TRPM8: variants seen among roughly 807,000 people sequenced by gnomAD.
TRPM8 encodes transient receptor potential cation channel subfamily M member 8.
TRPM8 carries 110 observed loss-of-function variants against 133.7 expected under a neutral mutation model. The ratio of observed to expected loss-of-function variants is 0.82; its 90% CI spans 0.70 to 0.96. The LOEUF is 0.96. Among genes scored for constraint, TRPM8 ranks in the 40% least tolerant of loss-of-function variants. TRPM8 has a pLI of 0.00. For synonymous variants in TRPM8, 535 were observed against 532.3 expected (o/e 1.01, Z -0.07); for missense variants, 1,291 against 1,379.5 (o/e 0.94, Z 1.02).
At chr2:233,985,341 G>A (rs774846390) in intron 20 of TRPM8, among the ~76,000 whole-genome samples, 7 of 152,176 alleles carry the variant, frequency 4.6e-5, no homozygotes, top group African/African-American at 7.2e-5. Flanking sequence ...AGCACTGTGC[G>A]TGTCCTTCTT....
At chr2:233,985,934 G>T in intron 21 of TRPM8, 69 bp downstream of exon 21, 2 of 1,464,210 alleles carry the variant, frequency 1.4e-6, no homozygotes, top group African/African-American at 2.8e-5. Flanking sequence ...TGGAGGTGCT[G>T]GGAGCATCGC....
rs1212578948 is a variant in TRPM8 at position 234,004,672 on chromosome 2, T to A, written c.3131-2181T>A. 5.3e-5 allele frequency among the ~76,000 whole-genome samples: 8 copies of A among 152,350 alleles called. No individual in the cohort carries two copies. The East Asian group carries it at 1.3e-3, about 26-fold the overall frequency. On this transcript the variant is annotated intron_variant, in intron 22 of 25. Coordinates refer to ENST00000324695, the MANE Select transcript of TRPM8 (RefSeq NM_024080.5). ...ATTGCTTTTTCATAAAATGTATTAT[T>A]TTGCATGATTCGGAAAGCAATCCAT...
chr2:234,012,687 A>C (rs1692872248), intron 24 of TRPM8, among the ~76,000 whole-genome samples: 1 of 151,850 alleles, frequency 6.6e-6, no homozygotes, highest in African/African-American at 2.4e-5. Flanking sequence ...CTTATTCTTG[A>C]TCTTAGAGAA....
In TRPM8 at chr2:233,961,783, C is replaced by A. The variant is rs111410813; in HGVS notation, c.1653+717C>A. Among the ~76,000 whole-genome samples, 372 of 151,830 alleles carry A rather than the reference C, an allele frequency of 2.5e-3. 3 individuals carry two copies. The highest frequency in any genetic ancestry group is 8.0e-3 in the African/African-American group (333 of 41,374). On this transcript the variant is annotated intron_variant, in intron 12 of 25. Transcript: ENST00000324695. ...TAGCTGGGATTACAGGCGTCAGCCA[C>A]CATACCTGGCTAATTTTTGTATTTT...
At position 233,970,232 on chromosome 2, in the gene TRPM8, A is replaced by G; in HGVS notation, c.2161A>G (p.Lys721Glu). Residue 721 changes from lysine (K) to glutamate (E), a missense_variant, in exon 17 of 26, where the codon AAG (lysine) becomes GAG (glutamate). Physicochemically the swap from Lys to Glu is moderately conservative, Grantham distance 56. This residue lies in a region of TRPM8 where 963 missense variants were observed against 968.9 expected (regional missense o/e 0.99). Transcript: ENST00000324695. ...CAGGAAGAAACCTGTCGACAAGCAC[A>G]AGAAGCTGCTTTGGTACTATGTGGC... is the stretch of plus-strand genomic sequence containing the variant. ...SFRKKPVDKH[K>E]KLLWYYVAFF... 1 of 1,614,028 alleles carries G rather than the reference A, an allele frequency of 6.2e-7. No homozygotes were observed. The highest frequency in any genetic ancestry group is 1.3e-5 in the African/African-American group (1 of 74,918).
chr2:233,960,697 T>C (rs1691410641), intron 11 of TRPM8, 79 bp from the exon 12 acceptor site: 1 of 1,145,134 alleles, frequency 8.7e-7, no homozygotes, highest in Non-Finnish European at 1.3e-6. Context: ...ACAGTGCTAC[T>C]GAGGAAGAAA....
chr2:233,958,474 C>T (rs1338567867), intron 11 of TRPM8, among the ~76,000 whole-genome samples: 1 of 152,134 alleles, frequency 6.6e-6, no homozygotes, highest in Non-Finnish European at 1.5e-5. Flanking sequence ...CAGGCTCCAC[C>T]TCAGATTTGC....
intron 23 of TRPM8, among the ~76,000 whole-genome samples, chr2:234,007,610 T>C (rs976748985): frequency 1.2e-4 from 18 of 152,242 alleles, no homozygotes; most frequent in African/African-American, 4.3e-4. Context: ...GCTGTCACTC[T>C]TCCTGAGGGT....
rs1311224325 is a variant in TRPM8, at chr2:233,942,595, A to G, written c.546A>G (p.Gly182=). The G allele has an allele frequency of 6.2e-7, 1 of 1,614,168 alleles. No homozygotes were observed. The highest frequency in any genetic ancestry group is 1.7e-5 in the Admixed American group (1 of 60,020). ...TGACAGGTGCTTGGATTCTCACGGGAGGCACCCATTATGGCCTGATGAAGT... is the reference window on the plus strand; with the variant it reads ...TGACAGGTGCTTGGATTCTCACGGGGGGCACCCATTATGGCCTGATGAAGT... ...AQSKGAWILT[G]GTHYGLMKYI... The change falls in exon 6 of 26, where the codon GGA becomes GGG. Residue 182 remains glycine, a synonymous_variant. Transcript: ENST00000324695.
intron 3 of TRPM8, among the ~76,000 whole-genome samples, chr2:233,931,612 C>T (rs1691680623): frequency 1.3e-5 from 2 of 152,156 alleles, no homozygotes; most frequent in African/African-American, 4.8e-5. Flanking sequence ...TTCTCTTATC[C>T]TAAAAATCTA....
chr2:233,955,924 C>A (rs557061822), intron 11 of TRPM8, among the ~76,000 whole-genome samples: 1 of 152,118 alleles, frequency 6.6e-6, no homozygotes, highest in African/African-American at 2.4e-5. Context: ...GAGCGTGAAC[C>A]CTGTTGTGGA....
In TRPM8 at chr2:233,937,465, G is replaced by C. The variant is rs200565245; in HGVS notation, c.304G>C (p.Ala102Pro). 1.2e-6 allele frequency: 2 copies of C among 1,613,988 alleles called. No homozygotes were observed. The highest frequency in any genetic ancestry group is 2.2e-5 in the East Asian group (1 of 44,884). The change falls in exon 4 of 26, where the codon GCC becomes CCC. Residue 102 changes from alanine to proline, a missense_variant. Coordinates refer to ENST00000324695, the MANE Select transcript of TRPM8 (RefSeq NM_024080.5). ...ACACACCAAGGAATTTCCTACCGAC[G>C]CCTTTGGGGATATTCAGTTTGAGAC... ...KKHTKEFPTD[A>P]FGDIQFETLG...
At chr2:233,971,219 T>C (rs1691705671) in intron 17 of TRPM8, among the ~76,000 whole-genome samples, 1 of 152,210 alleles carries the variant, frequency 6.6e-6, no homozygotes, top group South Asian at 2.1e-4. Context: ...CGAGGTACAA[T>C]GCCGTGTGCT....
At chr2:233,971,936 G>T (rs1691733424) in intron 17 of TRPM8, among the ~76,000 whole-genome samples, 1 of 152,178 alleles carries the variant, frequency 6.6e-6, no homozygotes, top group Non-Finnish European at 1.5e-5. Context: ...GAGCTGAGTG[G>T]TCTGTTTTGA....
intron 20 of TRPM8, among the ~76,000 whole-genome samples, chr2:233,983,586 A>G (rs1692069726): frequency 6.6e-6 from 1 of 152,188 alleles, no homozygotes; most frequent in African/African-American, 2.4e-5. Flanking sequence ...TTTCAAAAAG[A>G]GCAACATTGG....
rs1200140635 is a variant in TRPM8 at position 234,014,549 on chromosome 2, T to C, written c.3265-13T>C. Reference sequence around the variant, plus strand: ...TTATCTTAAGATGAGTTCTATTTTTTTCTCTTTCCAAGCTTAATGATCTCA... The same window carrying C: ...TTATCTTAAGATGAGTTCTATTTTTCTCTCTTTCCAAGCTTAATGATCTCA... On this transcript the variant is annotated splice_polypyrimidine_tract_variant and intron_variant, in intron 24 of 25. Coordinates refer to ENST00000324695, the MANE Select transcript of TRPM8 (RefSeq NM_024080.5). 1 of 1,517,064 alleles carries C rather than the reference T, an allele frequency of 6.6e-7. No homozygotes were observed. The highest frequency in any genetic ancestry group is 8.8e-7 in the Non-Finnish European group (1 of 1,132,606). The allele number at this position is 1,517,064 out of a possible 1,614,324, so 94.0% of individuals were successfully genotyped here. A position where few individuals can be genotyped will look rare whatever the true frequency, so the allele number is the denominator to read the frequency against.
At chr2:233,966,575 T>TA in intron 14 of TRPM8, 35 bp from the exon 15 acceptor site, 1 of 1,613,308 alleles carries the variant, frequency 6.2e-7, no homozygotes, top group Non-Finnish European at 8.5e-7. Flanking sequence ...GTGCAGCTCT[T>TA]ACACCAGCTT....
intron 14 of TRPM8, 61 bp from the exon 15 acceptor site, chr2:233,966,548 AG>A: frequency 6.2e-7 from 1 of 1,603,040 alleles, no homozygotes; most frequent in South Asian, 1.1e-5. Flanking sequence ...GGGTGGAAGC[AG>A]GACAGTTTCG....
chr2:233,930,890 G>T (rs1016793587), intron 3 of TRPM8, 149 bp downstream of exon 3: 4 of 581,100 alleles, frequency 6.9e-6, no homozygotes, highest in Non-Finnish European at 1.2e-5. Context: ...GAAGGATCTG[G>T]CAAGGAGCTT....
Sources: gnomAD v4.1 joint callset for allele counts (sites outside exome capture counted in the v4.1 genomes callset) on GRCh38, gnomAD v4.1.1 for gene constraint, gnomAD v4.1.1 regional missense constraint, MANE v1.5 for transcripts, NCBI Gene and HGNC (gene_info 2026-07-23, HGNC 2026-07-21) for gene names.